HS6ST3: variants seen among roughly 807,000 people sequenced by gnomAD.
The protein encoded by HS6ST3 is heparan sulfate 6-O-sulfotransferase 3, also known as heparan-sulfate 6-O-sulfotransferase 3.
In HS6ST3, 12 loss-of-function variants were observed where a neutral mutation model predicts 36.7. The ratio of observed to expected loss-of-function variants is 0.33; its 90% CI spans 0.21 to 0.53. HS6ST3 has a LOEUF of 0.53. Ranked by LOEUF, HS6ST3 falls within the 20% of genes least tolerant of loss-of-function variation. The probability of loss-of-function intolerance (pLI) is 0.95; values close to 1 mark genes in which losing one functional copy is unlikely to be tolerated. For missense variants in HS6ST3, 584 were observed against 640.9 expected (o/e 0.91, Z 0.96); for synonymous variants, 240 against 257.5 (o/e 0.93, Z 0.65).
At chr13:96,570,087 T>C (rs931262829) in intron 1 of HS6ST3, among the ~76,000 whole-genome samples, 5 of 152,346 alleles carry the variant, frequency 3.3e-5, no homozygotes, top group South Asian at 2.1e-4. Flanking sequence ...TGTCAACACT[T>C]CCAGTGTTGT....
chr13:96,387,074 A>C (rs2055372085), intron 1 of HS6ST3, among the ~76,000 whole-genome samples: 1 of 152,132 alleles, frequency 6.6e-6, no homozygotes, highest in South Asian at 2.1e-4. Context: ...GACCACAGGC[A>C]TGTGCCACCA....
intron 1 of HS6ST3, among the ~76,000 whole-genome samples, chr13:96,583,975 A>G (rs1006170521): frequency 1.4e-4 from 21 of 152,206 alleles, no homozygotes; most frequent in Non-Finnish European, 2.9e-4. Flanking sequence ...AGGTATCACC[A>G]AATGGCTTCA....
chr13:96,645,871 AT>A (rs1017149824), intron 1 of HS6ST3, among the ~76,000 whole-genome samples: 1 of 151,918 alleles, frequency 6.6e-6, no homozygotes, highest in Non-Finnish European at 1.5e-5. Context: ...TTTATAAACA[AT>A]TTGGTAGCAT....
chr13:96,459,323 A>T (rs2055770876), intron 1 of HS6ST3, among the ~76,000 whole-genome samples: 1 of 152,030 alleles, frequency 6.6e-6, no homozygotes. Context: ...AAAATGCTTT[A>T]TCTTGTTCTG....
In HS6ST3 at chr13:96,225,743, G is replaced by A. The variant is rs1305912948; in HGVS notation, c.707+134174G>A. Among the ~76,000 whole-genome samples, 3 of 151,890 alleles carry A rather than the reference G, an allele frequency of 2.0e-5. No individual in the cohort carries two copies. The South Asian group carries it at 6.2e-4, about 31-fold the overall frequency. On this transcript the variant is annotated intron_variant, in intron 1 of 1. Transcript: ENST00000376705. Reference sequence around the variant, plus strand: ...CAATTCTATTTACCCAGATTTTTTGGTTTTCATGTCTATATTTTCTGTTTG... The same window carrying A: ...CAATTCTATTTACCCAGATTTTTTGATTTTCATGTCTATATTTTCTGTTTG...
intron 1 of HS6ST3, among the ~76,000 whole-genome samples, chr13:96,475,640 G>T (rs939903102): frequency 6.4e-5 from 9 of 141,542 alleles, no homozygotes; most frequent in Admixed American, 4.2e-4. Context: ...AGAAAAGAAA[G>T]AAAATTGTCC....
rs138990762 is a variant in HS6ST3, at chr13:96,803,735, T to C, written c.708-28755T>C. On this transcript the variant is annotated intron_variant, in intron 1 of 1. Transcript: ENST00000376705. ...GAGTGGGGAGGCAAAAGGTTTCGTG[T>C]TGGGGCATGGGTAATTCTAGCATCT... Among the ~76,000 whole-genome samples, 740 of 152,268 alleles carry C rather than the reference T, an allele frequency of 4.9e-3. 3 individuals are homozygous for C. Among genetic ancestry groups the C allele is most frequent in the Non-Finnish European group, 8.9e-3 (607 of 68,016 alleles).
chr13:96,148,404 T>C (rs1478385264), intron 1 of HS6ST3, among the ~76,000 whole-genome samples: 3 of 152,124 alleles, frequency 2.0e-5, no homozygotes, highest in South Asian at 2.1e-4. Flanking sequence ...CAGGCAGAAA[T>C]ACCTGTGAAT....
intron 1 of HS6ST3, among the ~76,000 whole-genome samples, chr13:96,826,961 A>G (rs976230185): frequency 4.6e-5 from 7 of 152,188 alleles, no homozygotes; most frequent in African/African-American, 1.7e-4. Flanking sequence ...CAATTGCTTT[A>G]CAGACATTCT....
intron 1 of HS6ST3, among the ~76,000 whole-genome samples, chr13:96,476,552 G>A (rs186962865): frequency 9.3e-4 from 142 of 152,138 alleles, no homozygotes; most frequent in African/African-American, 3.3e-3. Context: ...TAGTAGAGAC[G>A]GGGTTTCACC....
At chr13:96,706,028 C>T (rs1354652110) in intron 1 of HS6ST3, among the ~76,000 whole-genome samples, 4 of 152,162 alleles carry the variant, frequency 2.6e-5, no homozygotes, top group Non-Finnish European at 5.9e-5. Flanking sequence ...TCTGAGAATC[C>T]TTCCTTTTGG....
chr13:96,460,479 T>C (rs2055778915), intron 1 of HS6ST3, among the ~76,000 whole-genome samples: 1 of 152,210 alleles, frequency 6.6e-6, no homozygotes, highest in Non-Finnish European at 1.5e-5. Flanking sequence ...TTGGTACATA[T>C]ATTTAGTTTA....
chr13:96,305,166 T>A (rs1376448305), intron 1 of HS6ST3, among the ~76,000 whole-genome samples: 3 of 152,176 alleles, frequency 2.0e-5, no homozygotes, highest in African/African-American at 7.2e-5. Flanking sequence ...GGAAGCCTAA[T>A]GGATTTTTTT....
intron 1 of HS6ST3, among the ~76,000 whole-genome samples, chr13:96,276,440 A>G (rs968135129): frequency 8.5e-5 from 13 of 152,196 alleles, no homozygotes; most frequent in Non-Finnish European, 1.6e-4. Flanking sequence ...GACTGGGAGC[A>G]CTAGCTCAGG....
At chr13:96,810,482 A>G (rs1236020930) in intron 1 of HS6ST3, among the ~76,000 whole-genome samples, 1 of 152,208 alleles carries the variant, frequency 6.6e-6, no homozygotes, top group African/African-American at 2.4e-5. Context: ...TGCTTATTCT[A>G]TGATAGACTC....
chr13:96,830,768 A>G (rs1192853759), intron 1 of HS6ST3, among the ~76,000 whole-genome samples: 1 of 152,136 alleles, frequency 6.6e-6, no homozygotes, highest in Non-Finnish European at 1.5e-5. Context: ...TCTTTTCAGA[A>G]TATTGAGGGG....
intron 1 of HS6ST3, among the ~76,000 whole-genome samples, chr13:96,175,156 C>T (rs933035128): frequency 3.3e-5 from 5 of 151,988 alleles, no homozygotes; most frequent in African/African-American, 1.2e-4. Flanking sequence ...ATGTAATTTT[C>T]TCATAAGATA....
chr13:96,564,620 A>G (rs1368512611), intron 1 of HS6ST3, among the ~76,000 whole-genome samples: 1 of 152,190 alleles, frequency 6.6e-6, no homozygotes, highest in Admixed American at 6.5e-5. Context: ...TACTTTCTCC[A>G]CGAAATGACC....
intron 1 of HS6ST3, among the ~76,000 whole-genome samples, chr13:96,270,614 G>GTATATAT (rs1466068274): frequency 2.0e-5 from 1 of 50,098 alleles, no homozygotes; most frequent in Non-Finnish European, 4.5e-5. Context: ...AATGCTGAGG[G>GTATATAT]TATATAAAGA....
Sources: allele counts gnomAD v4.1 joint callset (sites outside exome capture counted in the v4.1 genomes callset), GRCh38; gene constraint gnomAD v4.1.1; transcripts MANE v1.5; gene names NCBI Gene and HGNC (gene_info 2026-07-23, HGNC 2026-07-21).